FARS2: variants seen among roughly 807,000 people sequenced by gnomAD.
FARS2 encodes phenylalanine--tRNA ligase, mitochondrial.
FARS2 carries 40 observed loss-of-function variants against 46.4 expected under a neutral mutation model. That is an observed-to-expected ratio of 0.86 (90% CI 0.67 to 1.12). The LOEUF (loss-of-function observed/expected upper bound fraction) is 1.12. Among genes scored for constraint, FARS2 ranks in the 50% most tolerant of loss-of-function variants. FARS2 has a pLI of 0.00. For synonymous variants in FARS2, 234 were observed against 214.9 expected (o/e 1.09, Z -0.78); for missense variants, 513 against 567.9 (o/e 0.90, Z 0.98).
chr6:5,460,056 T>A (rs530254275), intron 4 of FARS2, among the ~76,000 whole-genome samples: 1 of 152,364 alleles, frequency 6.6e-6, no homozygotes, highest in South Asian at 2.1e-4. Flanking sequence ...GATAGATCGG[T>A]GCTCTGCATT....
At chr6:5,594,384 G>A (rs1774084525) in intron 5 of FARS2, among the ~76,000 whole-genome samples, 4 of 152,156 alleles carry the variant, frequency 2.6e-5, no homozygotes, top group Non-Finnish European at 5.9e-5. Context: ...AGAATCTGGT[G>A]CGATAACAGG....
chr6:5,437,398 T>A (rs1245849779), intron 4 of FARS2, among the ~76,000 whole-genome samples: 2 of 152,218 alleles, frequency 1.3e-5, no homozygotes, highest in Admixed American at 6.5e-5. Context: ...CTTTCTATGT[T>A]TACTGATTTT....
rs549511631 is a variant in FARS2 at position 5,476,003 on chromosome 6, T to G, written c.904+44831T>G. 2.0e-5 allele frequency among the ~76,000 whole-genome samples: 3 copies of G among 152,306 alleles called. No individual in the cohort carries two copies. The South Asian group carries it at 6.2e-4, about 32-fold the overall frequency. On this transcript the variant is annotated intron_variant, in intron 4 of 6. Coordinates refer to ENST00000274680, the MANE Select transcript of FARS2 (RefSeq NM_006567.5). ...TAGTAATTCTCTTATTATCAGTGAT[T>G]GGTTCATTCATGGCATGTGACCCAG...
At chr6:5,434,171 G>A (rs867808392) in intron 4 of FARS2, among the ~76,000 whole-genome samples, 12 of 152,128 alleles carry the variant, frequency 7.9e-5, no homozygotes, top group African/African-American at 2.2e-4. Context: ...GTGAAGTGGC[G>A]TGATCTCAGC....
upstream of FARS2, among the ~76,000 whole-genome samples, chr6:5,260,157 T>G (rs1764936146): frequency 6.6e-6 from 1 of 152,162 alleles, no homozygotes. Flanking sequence ...AATGGATTCT[T>G]GCAACCAAAA....
intron 1 of FARS2, among the ~76,000 whole-genome samples, chr6:5,296,016 C>T (rs76462726): frequency 0.094 from 14,255 of 151,862 alleles, 764 homozygotes; most frequent in Middle Eastern, 0.14. Context: ...AAACACTTCC[C>T]GTATGTTTAA....
chr6:5,732,987 C>CAA (rs1760733711), intron 6 of FARS2, among the ~76,000 whole-genome samples: 1 of 152,132 alleles, frequency 6.6e-6, no homozygotes. Context: ...AGGTGGTGCC[C>CAA]AACCCAACCT....
At chr6:5,723,020 A>C (rs1298282498) in intron 6 of FARS2, among the ~76,000 whole-genome samples, 1 of 152,222 alleles carries the variant, frequency 6.6e-6, no homozygotes, top group Non-Finnish European at 1.5e-5. Context: ...TGATTCCCTG[A>C]GAGAGGGCAG....
In FARS2 at chr6:5,614,462, T is replaced by C. The variant is rs866109053; in HGVS notation, c.1217+1142T>C. Among the ~76,000 whole-genome samples the C allele has an allele frequency of 8.0e-5, 12 of 150,092 alleles. No homozygotes were observed. In the South Asian group the frequency reaches 2.5e-3, roughly 32 times the overall value. ...TCTCGCTCTGTCGCCCAGGCTGGAG[T>C]GCAGTGATGCGATCTCGGCTCACTG... On this transcript the variant is annotated intron_variant, in intron 6 of 6. Transcript: ENST00000274680.
Position 5,340,182 on chromosome 6 carries a change from G to A in FARS2, c.-21-28368G>A, listed in dbSNP as rs373918590. ...CTTTGCTATGCATTTGCTATGCAAT[G>A]ATGAGGCCATACTTTGTGATAAGGT... On this transcript the variant is annotated intron_variant, in intron 1 of 6. Coordinates refer to ENST00000274680, the MANE Select transcript of FARS2 (RefSeq NM_006567.5). Among the ~76,000 whole-genome samples the A allele has an allele frequency of 3.7e-4, 57 of 152,346 alleles. No homozygotes were observed. In the South Asian group the frequency reaches 9.3e-3, roughly 25 times the overall value.
At chr6:5,663,670 G>A (rs567378093) in intron 6 of FARS2, among the ~76,000 whole-genome samples, 3 of 152,232 alleles carry the variant, frequency 2.0e-5, no homozygotes, top group East Asian at 3.9e-4. Context: ...AAGGGGTGGC[G>A]CGGGCTCCAT....
intron 5 of FARS2, among the ~76,000 whole-genome samples, chr6:5,579,494 G>A (rs556018945): frequency 3.3e-4 from 50 of 152,196 alleles, no homozygotes; most frequent in African/African-American, 1.1e-3. Context: ...GGCTGGTCTC[G>A]AACTCTTGAC....
chr6:5,562,716 ACACACACACACAG>A (rs1561715072), intron 5 of FARS2, among the ~76,000 whole-genome samples: 3 of 151,936 alleles, frequency 2.0e-5, no homozygotes, highest in Non-Finnish European at 2.9e-5. Flanking sequence ...ACACACACAC[ACACACACACACAG>A]TGTTTTTCAT....
At chr6:5,672,508 T>C (rs1470834658) in intron 6 of FARS2, among the ~76,000 whole-genome samples, 1 of 152,228 alleles carries the variant, frequency 6.6e-6, no homozygotes, top group Non-Finnish European at 1.5e-5. Flanking sequence ...ACGGGCAAGC[T>C]GTGATATAAA....
intron 4 of FARS2, among the ~76,000 whole-genome samples, chr6:5,439,101 A>C (rs1254541692): frequency 6.6e-6 from 1 of 152,034 alleles, no homozygotes; most frequent in Non-Finnish European, 1.5e-5. Context: ...TTCTCAGTGT[A>C]AGTCTTTGTT....
At chr6:5,576,559 TA>T (rs1772976973) in intron 5 of FARS2, among the ~76,000 whole-genome samples, 1 of 147,854 alleles carries the variant, frequency 6.8e-6, no homozygotes, top group Non-Finnish European at 1.5e-5. Flanking sequence ...ATATATATCA[TA>T]TATAGAGTAT....
intron 1 of FARS2, among the ~76,000 whole-genome samples, chr6:5,324,870 A>G (rs1055380358): frequency 1.3e-5 from 2 of 152,064 alleles, no homozygotes; most frequent in Non-Finnish European, 2.9e-5. Flanking sequence ...CACCAAGAAC[A>G]GATCCCATCC....
intron 5 of FARS2, among the ~76,000 whole-genome samples, chr6:5,584,037 G>A (rs1441665400): frequency 6.6e-6 from 1 of 151,044 alleles, no homozygotes. Flanking sequence ...TTTCTGTAAT[G>A]GAATAGCCAT....
In FARS2 at chr6:5,368,674, G is replaced by A. The variant is rs1183574995; in HGVS notation, c.104G>A (p.Arg35Lys). Residue 35 changes from arginine (R) to lysine (K), a missense_variant, in exon 2 of 7, where the codon AGG becomes AAG. Physicochemically the swap from Arg to Lys is conservative, Grantham distance 26. Coordinates refer to ENST00000274680, the MANE Select transcript of FARS2 (RefSeq NM_006567.5). ...RGHQHQAWGS[R>K]PPAAECATQR... ...CATCAGCACCAGGCCTGGGGATCGA[G>A]GCCTCCTGCAGCAGAGTGTGCCACC... 1.2e-6 allele frequency: 2 copies of A among 1,614,162 alleles called. No individual in the cohort carries two copies. The highest frequency in any genetic ancestry group is 1.7e-6 in the Non-Finnish European group (2 of 1,180,038).
Sources: allele counts gnomAD v4.1 joint callset (sites outside exome capture counted in the v4.1 genomes callset), GRCh38; gene constraint gnomAD v4.1.1; transcripts MANE v1.5; gene names NCBI Gene and HGNC (gene_info 2026-07-23, HGNC 2026-07-21).